The following PCDHGA2 variants were observed in gnomAD, a reference collection of about 807,000 sequenced individuals.
PCDHGA2 encodes protocadherin gamma-A2.
A neutral mutation model predicts 59.2 loss-of-function variants in PCDHGA2; 40 were observed. The observed-to-expected ratio is 0.68, with a 90% confidence interval of 0.52 to 0.88. The LOEUF (loss-of-function observed/expected upper bound fraction) is 0.88, where lower values mean the gene tolerates loss of function less well. PCDHGA2 is among the 40% of genes least tolerant of loss of function. The pLI, the probability that PCDHGA2 is intolerant of heterozygous loss-of-function variation, is 0.00. For missense variants in PCDHGA2, 1,226 were observed against 1,204.0 expected (o/e 1.02, Z -0.27); for synonymous variants, 560 against 526.0 (o/e 1.06, Z -0.89).
chr5:141,369,477 G>A (rs372546289), intron 1 of PCDHGA2, among the ~76,000 whole-genome samples: 20 of 151,976 alleles, frequency 1.3e-4, no homozygotes, highest in East Asian at 5.8e-4. Flanking sequence ...GCCCAGCCTG[G>A]GCAACATAGT....
At position 141,490,006 on chromosome 5, in the gene PCDHGA2, C is replaced by T; in HGVS notation, c.2425-4801C>T. The stretch of plus-strand genomic sequence containing the variant: ...ACGTGTGGGAATCCCAGAGAATGCA[C>T]CCATTGGTACTCTGCTGCTCCGCCT... On this transcript the variant is annotated intron_variant, in intron 1 of 3. Coordinates refer to ENST00000394576, the MANE Select transcript of PCDHGA2 (RefSeq NM_018915.4). This position sits in a 1 kb window ranked among gnomAD's most constrained non-coding sequence, Gnocchi z 5.4. 2 of 1,614,222 alleles carry T rather than the reference C, an allele frequency of 1.2e-6. No homozygotes were observed. The highest frequency in any genetic ancestry group is 1.7e-6 in the Non-Finnish European group (2 of 1,180,010).
intron 1 of PCDHGA2, among the ~76,000 whole-genome samples, chr5:141,445,264 G>A (rs566395616): frequency 1.4e-4 from 22 of 152,276 alleles, no homozygotes; most frequent in Admixed American, 1.4e-3. Flanking sequence ...AATATAAGTC[G>A]AAACCACTCT....
chr5:141,365,252 G>A, intron 1 of PCDHGA2: 1 of 1,613,916 alleles, frequency 6.2e-7, no homozygotes, highest in East Asian at 2.2e-5. Context: ...ACAATCACTG[G>A]ACTATGAAGA....
chr5:141,410,087 G>A (rs1427716409), intron 1 of PCDHGA2: 1 of 1,612,482 alleles, frequency 6.2e-7, no homozygotes, highest in African/African-American at 1.3e-5. Flanking sequence ...GGTGCGCACG[G>A]CTCGAGCCTT....
At chr5:141,483,660 G>T (rs943362284) in intron 1 of PCDHGA2, among the ~76,000 whole-genome samples, 4 of 152,094 alleles carry the variant, frequency 2.6e-5, no homozygotes, top group Admixed American at 2.0e-4. Flanking sequence ...GTGTGTGTGT[G>T]TGTGTGTGTA....
Position 141,374,498 on chromosome 5 carries a change from G to GA in PCDHGA2, c.2424+33105dup, listed in dbSNP as rs1265465509. Reference sequence around the variant, plus strand: ...ACCCCGATTCTTAAAGGAAGAATTGGAAGTGAAAATTCTCGAAAACGCAGC... The same window carrying GA: ...ACCCCGATTCTTAAAGGAAGAATTGGAAAGTGAAAATTCTCGAAAACGCAGC... On this transcript the variant is annotated intron_variant, in intron 1 of 3. Transcript: ENST00000394576. 3 of 1,611,504 alleles carry GA rather than the reference G, an allele frequency of 1.9e-6. No homozygotes were observed. The South Asian group carries it at 3.3e-5, about 18-fold the overall frequency.
At chr5:141,502,008 C>T (rs753492460) in intron 2 of PCDHGA2, among the ~76,000 whole-genome samples, 6 of 152,086 alleles carry the variant, frequency 3.9e-5, no homozygotes, top group Non-Finnish European at 8.8e-5. Context: ...AACCCGCATG[C>T]TCTCCTCCCT....
chr5:141,415,336 C>T (rs746539261), intron 1 of PCDHGA2: 5 of 1,614,200 alleles, frequency 3.1e-6, no homozygotes, highest in South Asian at 2.2e-5. Flanking sequence ...GCACAGGCTG[C>T]GGCGCTGGCA....
rs369940443 is a variant in PCDHGA2, at chr5:141,477,841, C to G, written c.2425-16966C>G. 6.2e-7 allele frequency: 1 copy of G among 1,613,308 alleles called. No individual in the cohort carries two copies. The highest frequency in any genetic ancestry group is 1.3e-5 in the African/African-American group (1 of 74,700). On this transcript the variant is annotated intron_variant, in intron 1 of 3. Coordinates refer to ENST00000394576, the MANE Select transcript of PCDHGA2 (RefSeq NM_018915.4). The surrounding 1 kb of genome is among the most constrained non-coding windows in gnomAD (Gnocchi z 4.9). ...TCCTATATCCTCGGCCAGGTGGGAG[C>G]TCGGTGGAGATGCTGCCTCGAGGTA...
intron 1 of PCDHGA2, among the ~76,000 whole-genome samples, chr5:141,354,322 A>G (rs184699668): frequency 1.9e-4 from 29 of 152,340 alleles, no homozygotes; most frequent in African/African-American, 6.5e-4. Context: ...TTACTACTCT[A>G]TGAAAGGTAT....
chr5:141,360,097 T>C, intron 1 of PCDHGA2: 1 of 1,527,810 alleles, frequency 6.5e-7, no homozygotes, highest in Non-Finnish European at 8.8e-7. Flanking sequence ...CCGGAAGGCT[T>C]ATTCCTCCTA....
chr5:141,403,006 G>T, intron 1 of PCDHGA2: 3 of 1,614,006 alleles, frequency 1.9e-6, no homozygotes, highest in African/African-American at 1.3e-5. Context: ...TGCTATGCTC[G>T]CTCCTGGGGA....
intron 1 of PCDHGA2, chr5:141,428,099 C>T: frequency 6.8e-6 from 11 of 1,608,710 alleles, no homozygotes; most frequent in East Asian, 2.2e-5. Context: ...TGTCCTACCA[C>T]GTGCTGCAGG....
chr5:141,451,007 T>A (rs2098704118), intron 1 of PCDHGA2, among the ~76,000 whole-genome samples: 1 of 151,594 alleles, frequency 6.6e-6, no homozygotes, highest in Non-Finnish European at 1.5e-5. Flanking sequence ...TTGTATTTTT[T>A]TTAGTAGAGA....
rs200964276 is a variant in PCDHGA2 at position 141,371,678 on chromosome 5, C to G, written c.2424+30283C>G. The G allele has an allele frequency of 1.6e-3, 2,661 of 1,614,038 alleles. 3 individuals carry two copies. Among genetic ancestry groups the G allele is most frequent in the Non-Finnish European group, 2.1e-3 (2,441 of 1,179,894 alleles). On this transcript the variant is annotated intron_variant, in intron 1 of 3. Coordinates refer to ENST00000394576, the MANE Select transcript of PCDHGA2 (RefSeq NM_018915.4). ...TGACGATCACAGCTACCGACAAAGG[C>G]AATCCACCGCTCTCCTCCAGCAAGA...
chr5:141,347,736 A>G (rs113683885), intron 1 of PCDHGA2, among the ~76,000 whole-genome samples: 2,460 of 152,046 alleles, frequency 0.016, 70 homozygotes, highest in African/African-American at 0.056. Flanking sequence ...GCAGAGAGCC[A>G]AAATTGGGCC....
chr5:141,355,126 CCA>C (rs1759722609), intron 1 of PCDHGA2: 1 of 1,516,434 alleles, frequency 6.6e-7, no homozygotes, highest in Non-Finnish European at 8.8e-7. Context: ...TATTTTGGAC[CCA>C]GAAGATCCTG....
At chr5:141,492,216 C>T (rs1163022229) in intron 1 of PCDHGA2, among the ~76,000 whole-genome samples, 1 of 152,140 alleles carries the variant, frequency 6.6e-6, no homozygotes, top group Non-Finnish European at 1.5e-5. Context: ...GCGCGGGGCT[C>T]ATGCGTGTCC....
In PCDHGA2 at chr5:141,393,272, A is replaced by C. The variant is rs781226042; in HGVS notation, c.2424+51877A>C. The stretch of plus-strand genomic sequence containing the variant: ...TCGCGGTTCCTGGAGCACGTTATCC[A>C]CTCCCAGAAGCTGTTGACCCGGATG... On this transcript the variant is annotated intron_variant, in intron 1 of 3. Coordinates refer to ENST00000394576, the MANE Select transcript of PCDHGA2 (RefSeq NM_018915.4). The C allele has an allele frequency of 2.5e-6, 4 of 1,613,774 alleles. No homozygotes were observed. The Admixed American group carries it at 6.7e-5, about 27-fold the overall frequency.
Sources: gnomAD v4.1 joint callset for allele counts (sites outside exome capture counted in the v4.1 genomes callset) on GRCh38, gnomAD v4.1.1 for gene constraint, Gnocchi (gnomAD v3.1) non-coding constraint, MANE v1.5 for transcripts, NCBI Gene and HGNC (gene_info 2026-07-23, HGNC 2026-07-21) for gene names.